The following SAMMSON variants were observed in gnomAD, a reference collection of about 807,000 sequenced individuals.
SAMMSON encodes the protein survival associated mitochondrial melanoma specific oncogenic non-coding RNA.
intron 3 of SAMMSON, among the ~76,000 whole-genome samples, chr3:70,040,750 A>G (rs1157594846): frequency 1.3e-5 from 2 of 152,142 alleles, no homozygotes; most frequent in African/African-American, 4.8e-5. Flanking sequence ...CCGCCTGCCA[A>G]TCATGGTGGC....
chr3:70,037,311 G>A (rs1264704633), intron 3 of SAMMSON, among the ~76,000 whole-genome samples: 1 of 152,026 alleles, frequency 6.6e-6, no homozygotes, highest in Non-Finnish European at 1.5e-5. Context: ...ATCGAAGAAG[G>A]GTCAAGCAGG....
chr3:70,098,247 G>A (rs546090267), intron 4 of SAMMSON, among the ~76,000 whole-genome samples: 3 of 152,272 alleles, frequency 2.0e-5, no homozygotes, highest in East Asian at 1.9e-4. Context: ...TTTGTGTGTC[G>A]TTTCATCAAT....
chr3:70,027,014 G>A (rs959186424), intron 3 of SAMMSON, among the ~76,000 whole-genome samples: 2 of 152,156 alleles, frequency 1.3e-5, no homozygotes, highest in African/African-American at 4.8e-5. Flanking sequence ...TCTACTGGGA[G>A]TTTGTAAAAT....
intron 9 of SAMMSON, among the ~76,000 whole-genome samples, chr3:70,388,240 A>G (rs567500824): frequency 6.6e-6 from 1 of 152,272 alleles, no homozygotes; most frequent in South Asian, 2.1e-4. Flanking sequence ...TTTTGTAAAT[A>G]ACTTTTAATT....
intron 4 of SAMMSON, among the ~76,000 whole-genome samples, chr3:70,225,607 T>C (rs1701496992): frequency 1.4e-5 from 2 of 147,102 alleles, no homozygotes; most frequent in Admixed American, 1.4e-4. Flanking sequence ...GTGAAGATGC[T>C]AGAAGCATGC....
chr3:70,375,952 G>C (rs1559575923), intron 9 of SAMMSON, among the ~76,000 whole-genome samples: 1 of 152,108 alleles, frequency 6.6e-6, no homozygotes, highest in Non-Finnish European at 1.5e-5. Context: ...ATTGTAAATG[G>C]AGTTTGCAGA....
chr3:70,420,951 T>TA (rs397814085), intron 2 of SAMMSON, among the ~76,000 whole-genome samples: 6 of 149,932 alleles, frequency 4.0e-5, no homozygotes, highest in African/African-American at 1.2e-4. Flanking sequence ...ATTTTTTTTT[T>TA]ATTCTGTGCA....
intron 6 of SAMMSON, among the ~76,000 whole-genome samples, chr3:70,277,152 C>G (rs1702035246): frequency 6.6e-6 from 1 of 152,158 alleles, no homozygotes; most frequent in Non-Finnish European, 1.5e-5. Context: ...TTTTATCAAA[C>G]TTTCCTGATA....
chr3:70,360,173 G>T (rs1311434873), intron 9 of SAMMSON, among the ~76,000 whole-genome samples: 2 of 152,090 alleles, frequency 1.3e-5, no homozygotes, highest in Non-Finnish European at 2.9e-5. Flanking sequence ...AAAAGCCAAA[G>T]ATTTAATAGA....
intron 6 of SAMMSON, among the ~76,000 whole-genome samples, chr3:70,274,507 T>C (rs1702003517): frequency 6.6e-6 from 1 of 152,206 alleles, no homozygotes; most frequent in African/African-American, 2.4e-5. Flanking sequence ...CTGAAGAACT[T>C]AGTAAGAAAC....
chr3:70,240,347 T>A (rs538104621), intron 4 of SAMMSON, among the ~76,000 whole-genome samples: 7 of 152,144 alleles, frequency 4.6e-5, no homozygotes, highest in South Asian at 2.1e-4. Context: ...TTTTTTTTTT[T>A]AATCTCTCCA....
chr3:70,331,098 A>T (rs1175404059), intron 7 of SAMMSON, among the ~76,000 whole-genome samples: 1 of 152,246 alleles, frequency 6.6e-6, no homozygotes, highest in East Asian at 1.9e-4. Context: ...CTCTTCTTAG[A>T]CAAAACATGA....
chr3:70,168,035 G>T (rs551633930), intron 4 of SAMMSON, among the ~76,000 whole-genome samples: 1 of 152,114 alleles, frequency 6.6e-6, no homozygotes, highest in South Asian at 2.1e-4. Flanking sequence ...GGAGTGAAAA[G>T]TAAAGCATTG....
chr3:70,052,356 A>G (rs2067149516), intron 3 of SAMMSON, among the ~76,000 whole-genome samples: 1 of 152,034 alleles, frequency 6.6e-6, no homozygotes, highest in Non-Finnish European at 1.5e-5. Context: ...AGCACTCCCA[A>G]TCTCCTTGAG....
chr3:70,409,686 A>G lies in SAMMSON; in HGVS notation n.233+51362A>G, dbSNP rs546512795. Reference sequence around the variant, plus strand: ...CAAAGATCAAATTAAGGCACAATTGATATAGTAATAAGGCCAATATTGTAA... The same window carrying G: ...CAAAGATCAAATTAAGGCACAATTGGTATAGTAATAAGGCCAATATTGTAA... On this transcript the variant is annotated intron_variant and non_coding_transcript_variant, in intron 2 of 3. Coordinates refer to the SAMMSON transcript ENST00000641053. Among the ~76,000 whole-genome samples the G allele has an allele frequency of 1.1e-4, 16 of 152,304 alleles. No individual in the cohort carries two copies. In the South Asian group the frequency reaches 3.1e-3, roughly 30 times the overall value.
intron 1 of SAMMSON, among the ~76,000 whole-genome samples, chr3:70,002,217 G>A (rs2066908682): frequency 6.6e-6 from 1 of 152,110 alleles, no homozygotes; most frequent in South Asian, 2.1e-4. Flanking sequence ...GTGTGAATGT[G>A]TTTTGTAGAA....
At chr3:70,316,120 C>G (rs1263077321) in intron 7 of SAMMSON, among the ~76,000 whole-genome samples, 2 of 152,122 alleles carry the variant, frequency 1.3e-5, no homozygotes, top group African/African-American at 2.4e-5. Context: ...GAAATATAAT[C>G]TTTAAGGGCA....
At chr3:70,193,433 A>G (rs1701146723) in intron 4 of SAMMSON, among the ~76,000 whole-genome samples, 1 of 152,166 alleles carries the variant, frequency 6.6e-6, no homozygotes, top group African/African-American at 2.4e-5. Flanking sequence ...GGCTAAGACT[A>G]CAGGAATACA....
chr3:70,083,613 G>A (rs1261461076), intron 4 of SAMMSON, among the ~76,000 whole-genome samples: 1 of 152,154 alleles, frequency 6.6e-6, no homozygotes, highest in African/African-American at 2.4e-5. Context: ...CAAGGGGGAG[G>A]TCTTCTTCAA....
Sources: gnomAD v4.1 joint callset for allele counts (sites outside exome capture counted in the v4.1 genomes callset) on GRCh38, gnomAD v4.1.1 for gene constraint, MANE v1.5 for transcripts, NCBI Gene and HGNC (gene_info 2026-07-23, HGNC 2026-07-21) for gene names.